The following METAP1D variants were observed in gnomAD, a reference collection of about 807,000 sequenced individuals.
METAP1D encodes the protein methionine aminopeptidase 1D, mitochondrial.
Under a neutral mutation model 40.5 loss-of-function variants are expected in METAP1D, and 31 were observed. The ratio of observed to expected loss-of-function variants is 0.77; its 90% CI spans 0.58 to 1.03. The LOEUF is 1.03. Among genes scored for constraint, METAP1D ranks in the 50% least tolerant of loss-of-function variants. The pLI, the probability that METAP1D is intolerant of heterozygous loss-of-function variation, is 0.00. For missense variants in METAP1D, 411 were observed against 420.7 expected (o/e 0.98, Z 0.20); for synonymous variants, 151 against 146.4 (o/e 1.03, Z -0.22).
At chr2:172,020,632 C>G (rs1456472457) in intron 1 of METAP1D, among the ~76,000 whole-genome samples, 1 of 152,126 alleles carries the variant, frequency 6.6e-6, no homozygotes, top group African/African-American at 2.4e-5. Flanking sequence ...ACAGACAAAA[C>G]CCCCTACCCT....
intron 1 of METAP1D, among the ~76,000 whole-genome samples, chr2:172,024,544 G>A (rs1441969231): frequency 6.6e-6 from 1 of 151,944 alleles, no homozygotes; most frequent in Admixed American, 6.6e-5. Context: ...CATGAAAAAA[G>A]ACATGACTTC....
intron 1 of METAP1D, among the ~76,000 whole-genome samples, chr2:172,060,242 C>T (rs1022498815): frequency 6.6e-6 from 1 of 151,638 alleles, no homozygotes; most frequent in Non-Finnish European, 1.5e-5. Flanking sequence ...ATAGCAGGAC[C>T]CCATCTCTAC....
At chr2:172,022,367 C>G (rs867053718) in intron 1 of METAP1D, among the ~76,000 whole-genome samples, 3 of 152,082 alleles carry the variant, frequency 2.0e-5, no homozygotes, top group Non-Finnish European at 4.4e-5. Flanking sequence ...GTGTTGGTAA[C>G]TAATGGAGGG....
rs1559010047 is a variant in METAP1D, at chr2:172,045,723, G to GTGTGTGTA, written c.41-15768_41-15767insATGTGTGT. 3.3e-5 allele frequency among the ~76,000 whole-genome samples: 3 copies of GTGTGTGTA among 90,678 alleles called. 1 individual carries two copies. Among genetic ancestry groups the GTGTGTGTA allele is most frequent in the Non-Finnish European group, 7.9e-5 (3 of 37,870 alleles). 59.5% of individuals were successfully genotyped at this position (90,678 alleles called of 152,430 possible). A position where few individuals can be genotyped will look rare whatever the true frequency, so the allele number is the denominator to read the frequency against. On this transcript the variant is annotated intron_variant, in intron 1 of 9. Transcript: ENST00000315796. Reference sequence around the variant, plus strand: ...TATGTGTGTGTGTGTGTGTGTGTGTGTGTGTGTGTATATATATGTGTATAT... The same window carrying GTGTGTGTA: ...TATGTGTGTGTGTGTGTGTGTGTGTGTGTGTGTATGTGTGTGTATATATATGTGTATAT...
At chr2:172,040,442 AAGT>A (rs1486589137) in intron 1 of METAP1D, among the ~76,000 whole-genome samples, 15 of 152,222 alleles carry the variant, frequency 9.9e-5, no homozygotes, top group Non-Finnish European at 1.6e-4. Context: ...GTGGAGTCGG[AAGT>A]AGTATTCTGA....
At chr2:172,073,022 A>G (rs1186750076) in intron 6 of METAP1D, among the ~76,000 whole-genome samples, 2 of 152,178 alleles carry the variant, frequency 1.3e-5, no homozygotes, top group African/African-American at 2.4e-5. Flanking sequence ...TGTACTGTCC[A>G]TGGCTTTTAG....
chr2:172,071,040 C>T lies in METAP1D; in HGVS notation c.674C>T (p.Ala225Val). Residue 225 changes from alanine to valine, a missense_variant, in exon 6 of 10, where the codon GCT (alanine) becomes GTT (valine). Transcript: ENST00000315796. Reference sequence around the variant, plus strand: ...GCAATTGCAGCTTGCAGAGCAGGGGCTCCCTTCTCTGTAATTGGAAACACA... The same window carrying T: ...GCAATTGCAGCTTGCAGAGCAGGGGTTCCCTTCTCTGTAATTGGAAACACA... ...DEAIAACRAG[A>V]PFSVIGNTIS... 6 of 1,611,274 alleles carry T rather than the reference C, an allele frequency of 3.7e-6. No homozygotes were observed. The highest frequency in any genetic ancestry group is 5.1e-6 in the Non-Finnish European group (6 of 1,178,536).
In METAP1D at chr2:172,009,352, CTATT is replaced by C. The variant is rs771574921; in HGVS notation, c.40+9346_40+9349del. Among the ~76,000 whole-genome samples, 76 of 152,104 alleles carry C rather than the reference CTATT, an allele frequency of 5.0e-4. No individual in the cohort carries two copies. In the South Asian group the frequency reaches 6.6e-3, roughly 13 times the overall value. ...GCCACCGCGCCCGGCCTGGAATTTT[CTATT>C]TAATATTTTTAGACCTTGATTGACC... On this transcript the variant is annotated intron_variant, in intron 1 of 9. Transcript: ENST00000315796.
chr2:172,005,544 A>ATATC (rs1160120823), intron 1 of METAP1D, among the ~76,000 whole-genome samples: 1 of 111,750 alleles, frequency 8.9e-6, no homozygotes, highest in Non-Finnish European at 1.9e-5. Context: ...ATATATATAT[A>ATATC]TCTTTTTTTT....
At chr2:172,080,104 C>G in intron 8 of METAP1D, 24 bp from the exon 9 acceptor site, 4 of 1,586,864 alleles carry the variant, frequency 2.5e-6, no homozygotes, top group Non-Finnish European at 3.5e-6. Context: ...GAGGTCACTG[C>G]AGTAAATATT....
chr2:172,005,034 C>A (rs11903410), intron 1 of METAP1D, among the ~76,000 whole-genome samples: 1 of 151,812 alleles, frequency 6.6e-6, no homozygotes, highest in Non-Finnish European at 1.5e-5. Context: ...CCAGTCCTCC[C>A]ACCTCAACCT....
At chr2:172,000,729 G>A (rs1688441451) in intron 1 of METAP1D, among the ~76,000 whole-genome samples, 1 of 152,182 alleles carries the variant, frequency 6.6e-6, no homozygotes, top group Admixed American at 6.5e-5. Flanking sequence ...TATTTTCATA[G>A]TAACAGCTAC....
intron 1 of METAP1D, among the ~76,000 whole-genome samples, chr2:172,059,204 G>A (rs1223880677): frequency 2.6e-5 from 4 of 151,762 alleles, no homozygotes; most frequent in Non-Finnish European, 4.4e-5. Flanking sequence ...TGCCTTCCGG[G>A]TTCGAGTAGT....
intron 1 of METAP1D, among the ~76,000 whole-genome samples, chr2:172,042,945 G>T (rs1479401346): frequency 7.8e-6 from 1 of 127,468 alleles, no homozygotes; most frequent in East Asian, 2.1e-4. Context: ...ATACACGTAT[G>T]CGTACCTGTG....
At position 172,018,742 on chromosome 2, in the gene METAP1D, C is replaced by G. The variant is rs186803777; in HGVS notation, c.40+18733C>G. ...GGATGCTAGGACACCCCCCATCCCC[C>G]CCTCACCCCACCGCCACCTGCTGCG... On this transcript the variant is annotated intron_variant, in intron 1 of 9. Transcript: ENST00000315796. Among the ~76,000 whole-genome samples the G allele has an allele frequency of 3.3e-3, 499 of 152,140 alleles. 4 individuals are homozygous for G. The highest frequency in any genetic ancestry group is 0.011 in the African/African-American group (475 of 41,534).
intron 6 of METAP1D, chr2:172,072,538 A>G (rs996670546): frequency 1.8e-5 from 3 of 166,926 alleles, no homozygotes; most frequent in Admixed American, 6.5e-5. Context: ...CATCAACTGC[A>G]GAAAAAAAAA....
In METAP1D at chr2:172,080,330, C is replaced by T. The variant is rs138526406; in HGVS notation, c.932C>T (p.Ser311Leu). 7.6e-5 allele frequency: 122 copies of T among 1,614,070 alleles called. No individual in the cohort carries two copies. The highest frequency in any genetic ancestry group is 6.7e-4 in the Admixed American group (40 of 60,028). ...WTVVSLDNQRSAQFEHTVLIT... is the reference protein window; with the variant it reads ...WTVVSLDNQRLAQFEHTVLIT... The stretch of plus-strand genomic sequence containing the variant: ...GACGGCTGGGTGCTGTGTTACAGGT[C>T]GGCGCAGTTCGAGCACACGGTTCTG... The change falls in exon 10 of 10, where the codon TCG becomes TTG. Residue 311 changes from serine (S) to leucine (L), a missense_variant and splice_region_variant. Ser to Leu is a moderately radical substitution (Grantham distance 145). Transcript: ENST00000315796.
At chr2:172,047,235 AT>A (rs1051525469) in intron 1 of METAP1D, among the ~76,000 whole-genome samples, 3 of 151,540 alleles carry the variant, frequency 2.0e-5, no homozygotes, top group African/African-American at 7.3e-5. Flanking sequence ...ATAAACAGGA[AT>A]TTTTATGCAA....
chr2:172,037,322 T>C (rs1367034327), intron 1 of METAP1D, among the ~76,000 whole-genome samples: 3 of 151,998 alleles, frequency 2.0e-5, no homozygotes, highest in African/African-American at 7.3e-5. Context: ...TGTGTGAATA[T>C]TTCAGAGGTA....
Sources: allele counts gnomAD v4.1 joint callset (sites outside exome capture counted in the v4.1 genomes callset), GRCh38; gene constraint gnomAD v4.1.1; transcripts MANE v1.5; gene names NCBI Gene and HGNC (gene_info 2026-07-23, HGNC 2026-07-21).